The following CNTNAP2 variants were observed in gnomAD, a reference collection of about 807,000 sequenced individuals.
The protein encoded by CNTNAP2 is contactin-associated protein-like 2.
Under a neutral mutation model 155.2 loss-of-function variants are expected in CNTNAP2, and 98 were observed. The ratio of observed to expected loss-of-function variants is 0.63; its 90% CI spans 0.54 to 0.75. The LOEUF (loss-of-function observed/expected upper bound fraction) is 0.75, where lower values mean the gene tolerates loss of function less well. Ranked by LOEUF, CNTNAP2 falls within the 30% of genes least tolerant of loss-of-function variation. The probability of loss-of-function intolerance (pLI) is 0.00; values close to 1 mark genes in which losing one functional copy is unlikely to be tolerated. For synonymous variants in CNTNAP2, 651 were observed against 631.2 expected, an observed-to-expected ratio of 1.03 and a Z score of -0.47; for missense variants, 1,727 against 1,688.1, an observed-to-expected ratio of 1.02 and a Z score of -0.40.
At chr7:147,049,953 TC>T (rs1193591543) in intron 4 of CNTNAP2, among the ~76,000 whole-genome samples, 4 of 152,158 alleles carry the variant, frequency 2.6e-5, no homozygotes, top group African/African-American at 4.8e-5. Flanking sequence ...AGAATTTCGT[TC>T]CAGGCCACTG....
chr7:146,648,986 G>C (rs551874465), intron 1 of CNTNAP2, among the ~76,000 whole-genome samples: 12 of 151,952 alleles, frequency 7.9e-5, no homozygotes, highest in Admixed American at 7.2e-4. Flanking sequence ...GTAGACAGAA[G>C]AAGACAGAAA....
intron 9 of CNTNAP2, among the ~76,000 whole-genome samples, chr7:147,327,931 G>A (rs1173522751): frequency 6.6e-6 from 1 of 152,092 alleles, no homozygotes; most frequent in Non-Finnish European, 1.5e-5. Flanking sequence ...GCAGGAATTA[G>A]TTGATTAGAA....
At chr7:146,471,028 T>C (rs1584940487) in intron 1 of CNTNAP2, among the ~76,000 whole-genome samples, 1 of 152,190 alleles carries the variant, frequency 6.6e-6, no homozygotes, top group Non-Finnish European at 1.5e-5. Flanking sequence ...GTAACGATAC[T>C]TACATGGGTT....
chr7:146,671,295 A>T (rs188227426), intron 1 of CNTNAP2, among the ~76,000 whole-genome samples: 5 of 152,266 alleles, frequency 3.3e-5, no homozygotes, highest in African/African-American at 1.2e-4. Flanking sequence ...AGACTTTGGA[A>T]AGGAATGAAA....
At chr7:147,434,329 T>C (rs1797515346) in intron 10 of CNTNAP2, among the ~76,000 whole-genome samples, 1 of 152,198 alleles carries the variant, frequency 6.6e-6, no homozygotes, top group South Asian at 2.1e-4. Flanking sequence ...TCAAAAACCC[T>C]ATTTTCCTCA....
chr7:148,097,501 G>A (rs1056129685), intron 15 of CNTNAP2, among the ~76,000 whole-genome samples: 12 of 151,898 alleles, frequency 7.9e-5, no homozygotes, highest in Admixed American at 5.9e-4. Flanking sequence ...TTGGGGGGGC[G>A]GGGCACGGAG....
chr7:146,521,477 A>G (rs1797616250), intron 1 of CNTNAP2, among the ~76,000 whole-genome samples: 1 of 151,968 alleles, frequency 6.6e-6, no homozygotes, highest in African/African-American at 2.4e-5. Flanking sequence ...AAATTACTCT[A>G]CAGTAATCTC....
At position 147,350,494 on chromosome 7, in the gene CNTNAP2, T is replaced by A. The variant is rs141423459; in HGVS notation, c.1499-45115T>A. On this transcript the variant is annotated intron_variant, in intron 9 of 23. Coordinates refer to ENST00000361727, the MANE Select transcript of CNTNAP2 (RefSeq NM_014141.6). ...AATAAAATTGATAAATATTCAACTC[T>A]CAATAAGGCAAAATCCTATGTATTC... is the stretch of plus-strand genomic sequence containing the variant. Among the ~76,000 whole-genome samples the A allele has an allele frequency of 3.3e-4, 50 of 152,018 alleles. No homozygotes were observed. The East Asian group carries it at 8.7e-3, about 26-fold the overall frequency.
intron 3 of CNTNAP2, 123 bp downstream of exon 3, chr7:146,840,027 T>G: frequency 8.5e-7 from 1 of 1,172,038 alleles, no homozygotes; most frequent in South Asian, 1.4e-5. Flanking sequence ...GGAAACTATT[T>G]ATTCATCATT....
chr7:146,751,997 T>C (rs2129182646), intron 1 of CNTNAP2, among the ~76,000 whole-genome samples: 1 of 152,326 alleles, frequency 6.6e-6, no homozygotes, highest in Non-Finnish European at 1.5e-5. Flanking sequence ...GGTGTATATG[T>C]GCCACCTTTT....
chr7:148,156,527 C>T (rs1805401807), intron 17 of CNTNAP2, among the ~76,000 whole-genome samples: 2 of 152,144 alleles, frequency 1.3e-5, no homozygotes, highest in South Asian at 2.1e-4. Context: ...CCTGTCTTCT[C>T]ATCCGAATAT....
At chr7:146,419,378 G>A (rs1171951019) in intron 1 of CNTNAP2, among the ~76,000 whole-genome samples, 1 of 151,880 alleles carries the variant, frequency 6.6e-6, no homozygotes, top group African/African-American at 2.4e-5. Context: ...GATTTGGGTG[G>A]GGACACAGCC....
intron 1 of CNTNAP2, among the ~76,000 whole-genome samples, chr7:146,674,534 C>G (rs559336845): frequency 1.4e-4 from 22 of 152,136 alleles, no homozygotes; most frequent in Non-Finnish European, 8.8e-5. Context: ...CATTTTTCTT[C>G]CTTCTTAGGT....
intron 1 of CNTNAP2, among the ~76,000 whole-genome samples, chr7:146,202,662 A>G (rs1207624625): frequency 6.6e-6 from 1 of 152,164 alleles, no homozygotes; most frequent in African/African-American, 2.4e-5. Context: ...ATGAAATGCT[A>G]CTAGATACAC....
intron 8 of CNTNAP2, among the ~76,000 whole-genome samples, chr7:147,249,836 C>G (rs1336999293): frequency 6.6e-6 from 1 of 152,084 alleles, no homozygotes; most frequent in Non-Finnish European, 1.5e-5. Context: ...CTGGAGGCTC[C>G]GTTTCTGAAA....
At chr7:148,096,717 C>A (rs1803979947) in intron 15 of CNTNAP2, among the ~76,000 whole-genome samples, 1 of 152,054 alleles carries the variant, frequency 6.6e-6, no homozygotes, top group African/African-American at 2.4e-5. Flanking sequence ...AGTAATTTTC[C>A]CATTTATACA....
intron 13 of CNTNAP2, among the ~76,000 whole-genome samples, chr7:147,697,593 A>G (rs928491029): frequency 6.6e-6 from 1 of 152,044 alleles, no homozygotes; most frequent in African/African-American, 2.4e-5. Flanking sequence ...GAAGCATTCT[A>G]TGATTAGGTC....
At chr7:146,610,458 T>C (rs147732701) in intron 1 of CNTNAP2, among the ~76,000 whole-genome samples, 1 of 152,214 alleles carries the variant, frequency 6.6e-6, no homozygotes, top group East Asian at 1.9e-4. Context: ...GGGATAATGC[T>C]AAAAATGTGG....
intron 13 of CNTNAP2, among the ~76,000 whole-genome samples, chr7:147,780,599 G>A (rs915545467): frequency 1.3e-5 from 2 of 152,096 alleles, no homozygotes; most frequent in African/African-American, 4.8e-5. Context: ...AAAAATAAGA[G>A]GCATGAAACT....
Sources: gnomAD v4.1 joint callset for allele counts (sites outside exome capture counted in the v4.1 genomes callset) on GRCh38, gnomAD v4.1.1 for gene constraint, MANE v1.5 for transcripts, NCBI Gene and HGNC (gene_info 2026-07-23, HGNC 2026-07-21) for gene names.